The following HS3ST4 variants were observed in gnomAD, a reference collection of about 807,000 sequenced individuals.
HS3ST4 encodes the protein heparan sulfate glucosamine 3-O-sulfotransferase 4.
A neutral mutation model predicts 29.2 loss-of-function variants in HS3ST4; 17 were observed. The observed-to-expected ratio is 0.58, with a 90% CI of 0.40 to 0.87. The LOEUF is 0.87. Among genes scored for constraint, HS3ST4 ranks in the 40% least tolerant of loss-of-function variants. The pLI, the probability that HS3ST4 is intolerant of heterozygous loss-of-function variation, is 0.00. For synonymous variants in HS3ST4, 314 were observed against 285.7 expected (o/e 1.10, Z -1.00); for missense variants, 627 against 634.5 (o/e 0.99, Z 0.13).
intron 1 of HS3ST4, among the ~76,000 whole-genome samples, chr16:25,843,025 A>G (rs900270843): frequency 1.3e-5 from 2 of 152,256 alleles, no homozygotes; most frequent in African/African-American, 2.4e-5. Context: ...CTGTACTTCT[A>G]CAGCATACAT....
intron 1 of HS3ST4, among the ~76,000 whole-genome samples, chr16:25,913,812 T>C (rs145964911): frequency 2.1e-5 from 3 of 144,302 alleles, no homozygotes; most frequent in African/African-American, 7.9e-5. Flanking sequence ...ATGTGTGGGG[T>C]GTGTGTGCAC....
At chr16:25,849,277 C>T (rs1259239148) in intron 1 of HS3ST4, among the ~76,000 whole-genome samples, 1 of 152,110 alleles carries the variant, frequency 6.6e-6, no homozygotes, top group Non-Finnish European at 1.5e-5. Flanking sequence ...CATATACATG[C>T]AGACGTATTT....
intron 1 of HS3ST4, chr16:25,824,812 A>G (rs143980779): frequency 6.6e-6 from 1 of 152,366 alleles, no homozygotes; most frequent in East Asian, 1.9e-4. Context: ...CAAGTCATAT[A>G]TAGTGCCCTA....
chr16:25,963,200 T>C (rs4471684), intron 1 of HS3ST4, among the ~76,000 whole-genome samples: 17,676 of 152,246 alleles, frequency 0.12, 1,170 homozygotes, highest in African/African-American at 0.16. Flanking sequence ...GCCTGATTCT[T>C]GAACATCCAA....
At chr16:26,093,203 G>A (rs9929194) in intron 1 of HS3ST4, among the ~76,000 whole-genome samples, 82,180 of 152,040 alleles carry the variant, frequency 0.54, 22,953 homozygotes, top group African/African-American at 0.67. Flanking sequence ...GCAGATTTAA[G>A]TGTCCCTGTC....
chr16:25,829,097 C>T lies in HS3ST4; in HGVS notation c.734+135946C>T, dbSNP rs1315899091. 2.6e-5 allele frequency among the ~76,000 whole-genome samples: 4 copies of T among 152,162 alleles called. No individual in the cohort carries two copies. In the East Asian group the frequency reaches 7.7e-4, roughly 29 times the overall value. On this transcript the variant is annotated intron_variant, in intron 1 of 1. Coordinates refer to ENST00000331351, the MANE Select transcript of HS3ST4 (RefSeq NM_006040.3). ...GACCAAGGGCAAATGGGGAATACGG[C>T]TTAGTGTGCAACAAGTGTGTCTCTT...
chr16:26,017,849 C>T (rs933437852), intron 1 of HS3ST4, among the ~76,000 whole-genome samples: 2 of 152,048 alleles, frequency 1.3e-5, no homozygotes, highest in Non-Finnish European at 2.9e-5. Flanking sequence ...AAAGGCAGAC[C>T]CCACAAATGG....
chr16:25,755,728 C>T (rs979548944), intron 1 of HS3ST4, among the ~76,000 whole-genome samples: 22 of 152,262 alleles, frequency 1.4e-4, no homozygotes, highest in African/African-American at 5.3e-4. Flanking sequence ...CCACACTGCA[C>T]CCATATTTCT....
chr16:26,123,682 C>G (rs1415926763), intron 1 of HS3ST4, among the ~76,000 whole-genome samples: 2 of 152,102 alleles, frequency 1.3e-5, no homozygotes, highest in Non-Finnish European at 2.9e-5. Context: ...AAGCCTTCCC[C>G]CAAAGTCCCC....
intron 1 of HS3ST4, among the ~76,000 whole-genome samples, chr16:26,021,933 A>G (rs959321018): frequency 6.6e-6 from 1 of 151,796 alleles, no homozygotes. Flanking sequence ...AAGTGCTGGA[A>G]TTACAGGTGT....
chr16:25,967,376 A>T (rs1032237859), intron 1 of HS3ST4, among the ~76,000 whole-genome samples: 1 of 152,158 alleles, frequency 6.6e-6, no homozygotes, highest in African/African-American at 2.4e-5. Flanking sequence ...GGATGGTCTC[A>T]TTCTCTTGAC....
rs1969255592 is a variant in HS3ST4 at position 26,006,127 on chromosome 16, C to T, written c.735-129485C>T. 2.0e-5 allele frequency among the ~76,000 whole-genome samples: 3 copies of T among 151,806 alleles called. 1 individual carries two copies. The highest frequency in any genetic ancestry group is 4.2e-4 in the South Asian group (2 of 4,792). ...CAGCCTGGACAACATGGTAAAACCC[C>T]ATCTCTACTAAAAATATGAAAATTA... On this transcript the variant is annotated intron_variant, in intron 1 of 1. Coordinates refer to ENST00000331351, the MANE Select transcript of HS3ST4 (RefSeq NM_006040.3).
At chr16:25,824,484 A>G (rs905619517) in intron 1 of HS3ST4, among the ~76,000 whole-genome samples, 4 of 152,206 alleles carry the variant, frequency 2.6e-5, no homozygotes, top group African/African-American at 7.2e-5. Context: ...CATGTCTTAC[A>G]TGGCAGCAGG....
At chr16:25,916,673 CT>C (rs34339195) in intron 1 of HS3ST4, among the ~76,000 whole-genome samples, 551 of 92,166 alleles carry the variant, frequency 6.0e-3, no homozygotes, top group South Asian at 0.016. Flanking sequence ...CAAATGCATT[CT>C]TTTTTTTTTT....
At chr16:25,871,630 A>G (rs1967753589) in intron 1 of HS3ST4, among the ~76,000 whole-genome samples, 2 of 152,190 alleles carry the variant, frequency 1.3e-5, no homozygotes, top group Admixed American at 6.6e-5. Context: ...ACATTTTTCA[A>G]AAAAAGAAAA....
chr16:25,693,826 C>G (rs1281855050), intron 1 of HS3ST4, among the ~76,000 whole-genome samples: 1 of 152,182 alleles, frequency 6.6e-6, no homozygotes, highest in Non-Finnish European at 1.5e-5. Context: ...TGCCTCAGAC[C>G]GTGCCCTGTC....
At chr16:25,942,041 A>T (rs1267872321) in intron 1 of HS3ST4, among the ~76,000 whole-genome samples, 3 of 152,146 alleles carry the variant, frequency 2.0e-5, no homozygotes, top group African/African-American at 7.2e-5. Context: ...CATAGGATAG[A>T]ATTAGCTCAT....
At position 26,028,272 on chromosome 16, in the gene HS3ST4, CAAAAAAAAAAA is replaced by C. The variant is rs57920476; in HGVS notation, c.735-107327_735-107317del. ...TGGGTGACAGAGTGAGACACCGTCT[CAAAAAAAAAAA>C]AAAAAAAAAAAAGAATAAGAAAGTA... is the stretch of plus-strand genomic sequence containing the variant. On this transcript the variant is annotated intron_variant, in intron 1 of 1. Coordinates refer to ENST00000331351, the MANE Select transcript of HS3ST4 (RefSeq NM_006040.3). 8.2e-5 allele frequency among the ~76,000 whole-genome samples: 4 copies of C among 48,658 alleles called. No homozygotes were observed. The East Asian group carries it at 2.6e-3, about 32-fold the overall frequency. 31.9% of individuals were successfully genotyped at this position (48,658 alleles called of 152,430 possible). A position where few individuals can be genotyped will look rare whatever the true frequency, so the allele number is the denominator to read the frequency against.
intron 1 of HS3ST4, among the ~76,000 whole-genome samples, chr16:25,713,598 T>C (rs1353113468): frequency 6.6e-6 from 1 of 152,184 alleles, no homozygotes; most frequent in Non-Finnish European, 1.5e-5. Flanking sequence ...AGGCCTTGGT[T>C]CCTTGCATGA....
Sources: gnomAD v4.1 joint callset for allele counts (sites outside exome capture counted in the v4.1 genomes callset) on GRCh38, gnomAD v4.1.1 for gene constraint, MANE v1.5 for transcripts, NCBI Gene and HGNC (gene_info 2026-07-23, HGNC 2026-07-21) for gene names.